The following SWT1 variants were observed in gnomAD, a reference collection of about 807,000 sequenced individuals.
The protein encoded by SWT1 is transcriptional protein SWT1.
In SWT1, 33 loss-of-function variants were observed where a neutral mutation model predicts 107.3. The observed-to-expected ratio is 0.31, with a 90% CI of 0.23 to 0.41. The LOEUF (loss-of-function observed/expected upper bound fraction) is 0.41, where lower values mean the gene tolerates loss of function less well. SWT1 is among the 10% of genes least tolerant of loss of function. The probability of loss-of-function intolerance (pLI) is 1.00; values close to 1 mark genes in which losing one functional copy is unlikely to be tolerated. For synonymous variants in SWT1, 345 were observed against 348.3 expected (o/e 0.99, Z 0.11); for missense variants, 898 against 1,028.9 (o/e 0.87, Z 1.74).
At chr1:185,283,943 T>A (rs1488614785) in intron 18 of SWT1, among the ~76,000 whole-genome samples, 1 of 152,218 alleles carries the variant, frequency 6.6e-6, no homozygotes, top group Non-Finnish European at 1.5e-5. Flanking sequence ...TATTGCTCTT[T>A]GTGTATAAAT....
At chr1:185,254,886 G>A (rs931268815) in intron 16 of SWT1, among the ~76,000 whole-genome samples, 1 of 151,730 alleles carries the variant, frequency 6.6e-6, no homozygotes, top group Admixed American at 6.6e-5. Flanking sequence ...TGTCAGTTTT[G>A]GATCTTTCCT....
At chr1:185,259,600 T>A (rs1012361692) in intron 16 of SWT1, among the ~76,000 whole-genome samples, 4 of 152,084 alleles carry the variant, frequency 2.6e-5, no homozygotes, top group Non-Finnish European at 5.9e-5. Context: ...GAGTGACTCC[T>A]AGAGGGAAAT....
intron 16 of SWT1, among the ~76,000 whole-genome samples, chr1:185,259,846 G>C (rs1662896520): frequency 1.3e-5 from 2 of 152,140 alleles, no homozygotes; most frequent in South Asian, 4.1e-4. Flanking sequence ...CAATTGGACA[G>C]ATTTCAAGAT....
intron 10 of SWT1, among the ~76,000 whole-genome samples, chr1:185,194,335 C>G (rs530519301): frequency 6.6e-6 from 1 of 151,902 alleles, no homozygotes; most frequent in South Asian, 2.1e-4. Flanking sequence ...TTGTTTTGTT[C>G]CATCTGTGCT....
intron 12 of SWT1, 21 bp downstream of exon 12, chr1:185,204,884 A>G: frequency 6.8e-7 from 1 of 1,469,988 alleles, no homozygotes; most frequent in Non-Finnish European, 9.1e-7. Context: ...GAACTCTATT[A>G]GTTGAAAATT....
intron 13 of SWT1, among the ~76,000 whole-genome samples, chr1:185,207,635 C>T (rs1658441273): frequency 6.6e-6 from 1 of 152,164 alleles, no homozygotes; most frequent in Non-Finnish European, 1.5e-5. Flanking sequence ...GGCATGGTGG[C>T]TCATGCCTGT....
chr1:185,228,156 TA>T (rs918422186), intron 15 of SWT1, among the ~76,000 whole-genome samples: 56 of 128,012 alleles, frequency 4.4e-4, no homozygotes, highest in Middle Eastern at 3.8e-3. Flanking sequence ...TATGTCACAT[TA>T]AAAAAAAATG....
At chr1:185,268,057 A>G (rs1316061768) in intron 16 of SWT1, among the ~76,000 whole-genome samples, 2 of 152,232 alleles carry the variant, frequency 1.3e-5, no homozygotes, top group African/African-American at 4.8e-5. Context: ...AATGAAGTCT[A>G]AATTCAACCC....
intron 18 of SWT1, among the ~76,000 whole-genome samples, chr1:185,279,409 AT>A (rs942187047): frequency 5.3e-5 from 8 of 151,652 alleles, no homozygotes; most frequent in Admixed American, 2.6e-4. Context: ...TAGTTGTACT[AT>A]TTTTTTTCTT....
chr1:185,258,587 A>G (rs192824571), intron 16 of SWT1, among the ~76,000 whole-genome samples: 80 of 152,192 alleles, frequency 5.3e-4, no homozygotes, highest in African/African-American at 1.7e-3. Flanking sequence ...TTTGCTGGCT[A>G]TGGATTCTAG....
intron 18 of SWT1, among the ~76,000 whole-genome samples, chr1:185,286,372 C>T (rs879515917): frequency 2.2e-4 from 34 of 152,056 alleles, no homozygotes; most frequent in Admixed American, 5.9e-4. Context: ...TACAGGTGCA[C>T]GCCACCAGGC....
At position 185,289,858 on chromosome 1, in the gene SWT1, G is replaced by C. The variant is rs542477905; in HGVS notation, c.2574-816G>C. ...CTAGGAGGATGGGGGGCTTTGAGGA[G>C]ATGGTGGTGAAAGGACACAAAATTT... On this transcript the variant is annotated intron_variant, in intron 18 of 18. Transcript: ENST00000367500. Among the ~76,000 whole-genome samples, 358 of 152,290 alleles carry C rather than the reference G, an allele frequency of 2.4e-3. 2 individuals carry two copies. The highest frequency in any genetic ancestry group is 8.4e-3 in the African/African-American group (348 of 41,566).
chr1:185,198,752 GT>G (rs902837426), intron 10 of SWT1, among the ~76,000 whole-genome samples: 5 of 142,092 alleles, frequency 3.5e-5, no homozygotes, highest in Non-Finnish European at 6.2e-5. Flanking sequence ...TGCAACCCCT[GT>G]TTTTTTTTGT....
chr1:185,234,439 C>T (rs781583920), intron 16 of SWT1, among the ~76,000 whole-genome samples: 4 of 151,900 alleles, frequency 2.6e-5, no homozygotes, highest in Non-Finnish European at 5.9e-5. Flanking sequence ...GCAACCCCTG[C>T]TTTTTTTTCT....
rs1205185556 is a variant in SWT1, at chr1:185,214,728, G to A, written c.2121+73G>A. 1.5e-5 allele frequency: 18 copies of A among 1,234,502 alleles called. No individual in the cohort carries two copies. In the East Asian group the frequency reaches 4.2e-4, roughly 29 times the overall value. 76.5% of individuals were successfully genotyped at this position (1,234,502 alleles called of 1,614,324 possible). On this transcript the variant is annotated intron_variant, in intron 14 of 18. Coordinates refer to ENST00000367500, the MANE Select transcript of SWT1 (RefSeq NM_017673.7). ...CTGAAAATGTGTTTAGCAGACAACA[G>A]TAGGTAAAGGATAATTTAATTCTAA...
In SWT1 at chr1:185,291,329, C is replaced by T. The variant is rs1571728348; in HGVS notation, c.*526C>T. 6.6e-6 allele frequency: 1 copy of T among 152,630 alleles called. No homozygotes were observed. Among genetic ancestry groups the T allele is most frequent in the Non-Finnish European group, 1.5e-5 (1 of 68,058 alleles). 9.5% of individuals were successfully genotyped at this position (152,630 alleles called of 1,614,324 possible). On this transcript the variant is annotated 3_prime_UTR_variant, in exon 19 of 19. Coordinates refer to ENST00000367500, the MANE Select transcript of SWT1 (RefSeq NM_017673.7). ...GAAAATAACACCCTCCTTCACCTCC[C>T]TCAGGGTAATGAAAGTAGAAATTTG...
chr1:185,290,693 T>A lies in SWT1; in HGVS notation c.2593T>A (p.Cys865Ser). ...TEYREKLTIG[C>S]RQLVEMEYTM... ...TCCTAGGGAAAAGTTAACCATTGGA[T>A]GCCGCCAGCTGGTTGAGATGGAATA... is the stretch of plus-strand genomic sequence containing the variant. Residue 865 changes from cysteine (C) to serine (S), a missense_variant, in exon 19 of 19, where the codon TGC (cysteine) becomes AGC (serine). Coordinates refer to ENST00000367500, the MANE Select transcript of SWT1 (RefSeq NM_017673.7). 1 of 1,580,332 alleles carries A rather than the reference T, an allele frequency of 6.3e-7. No individual in the cohort carries two copies. The highest frequency in any genetic ancestry group is 8.6e-7 in the Non-Finnish European group (1 of 1,160,590).
At chr1:185,195,222 C>G (rs1373251687) in intron 10 of SWT1, among the ~76,000 whole-genome samples, 2 of 152,178 alleles carry the variant, frequency 1.3e-5, no homozygotes, top group African/African-American at 4.8e-5. Context: ...TTGTTCAACT[C>G]CCACTTAAGA....
At chr1:185,282,608 C>A (rs539064671) in intron 18 of SWT1, among the ~76,000 whole-genome samples, 1 of 152,016 alleles carries the variant, frequency 6.6e-6, no homozygotes, top group East Asian at 1.9e-4. Flanking sequence ...TTGTGGGAAC[C>A]CTCCTGATTT....
Sources: gnomAD v4.1 joint callset for allele counts (sites outside exome capture counted in the v4.1 genomes callset) on GRCh38, gnomAD v4.1.1 for gene constraint, MANE v1.5 for transcripts, NCBI Gene and HGNC (gene_info 2026-07-23, HGNC 2026-07-21) for gene names.